Variants in TENM3 observed in about 807,000 individuals in gnomAD.
TENM3 encodes the protein teneurin transmembrane protein 3.
In TENM3, 63 loss-of-function variants were observed where a neutral mutation model predicts 255.1. The observed-to-expected ratio is 0.25, with a 90% CI of 0.20 to 0.30. The LOEUF (loss-of-function observed/expected upper bound fraction) is 0.30, where lower values mean the gene tolerates loss of function less well. Among genes scored for constraint, TENM3 ranks in the 10% least tolerant of loss-of-function variants. TENM3 has a pLI of 1.00. For synonymous variants in TENM3, 1,306 were observed against 1,322.3 expected, an observed-to-expected ratio of 0.99 and a Z score of 0.27; for missense variants, 2,929 against 3,461.1, an observed-to-expected ratio of 0.85 and a Z score of 3.86.
At chr4:181,895,170 C>T in the TENM3 span, among the ~76,000 whole-genome samples, 7 of 151,868 alleles carry the variant, frequency 4.6e-5, no homozygotes, top group Non-Finnish European at 1.0e-4. Flanking sequence ...TTAATAAATA[C>T]GTATTAACTG....
At chr4:181,495,902 TAAAAA>T in the TENM3 span, among the ~76,000 whole-genome samples, 9 of 116,880 alleles carry the variant, frequency 7.7e-5, no homozygotes, top group African/African-American at 1.6e-4. Context: ...AGAGACAAAT[TAAAAA>T]AAAAAAAAAA....
intron 3 of TENM3, among the ~76,000 whole-genome samples, chr4:182,382,604 T>C (rs1348354598): frequency 6.6e-6 from 1 of 152,182 alleles, no homozygotes; most frequent in East Asian, 1.9e-4. Context: ...AGCTAACTCC[T>C]GCTGCTGTCT....
chr4:182,681,899 T>G lies in TENM3; in HGVS notation c.1920T>G (p.Asn640Lys), dbSNP rs755928530. ...CHCSPGWGGSNCEILKTMCPD... is the reference protein window; with the variant it reads ...CHCSPGWGGSKCEILKTMCPD... ...GCAGTCCAGGATGGGGAGGTAGCAATTGTGAAATACTGAAGACCATGTGTC... is the reference window on the plus strand; with the variant it reads ...GCAGTCCAGGATGGGGAGGTAGCAAGTGTGAAATACTGAAGACCATGTGTC... Residue 640 changes from asparagine (N) to lysine (K), a missense_variant, in exon 11 of 28, where the codon AAT (asparagine) becomes AAG (lysine). This residue lies in a region of TENM3 where 1,608 missense variants were observed against 1,884.4 expected (regional missense o/e 0.85). Coordinates refer to ENST00000511685, the MANE Select transcript of TENM3 (RefSeq NM_001080477.4). The G allele has an allele frequency of 6.2e-7, 1 of 1,613,922 alleles. No homozygotes were observed. Among genetic ancestry groups the G allele is most frequent in the Non-Finnish European group, 8.5e-7 (1 of 1,179,862 alleles).
chr4:182,694,698 G>A (rs1757261109), intron 12 of TENM3, among the ~76,000 whole-genome samples: 1 of 152,188 alleles, frequency 6.6e-6, no homozygotes, highest in South Asian at 2.1e-4. Flanking sequence ...CACACATGCA[G>A]TACTCAGCAT....
chr4:182,693,702 C>T (rs1757178073), intron 12 of TENM3, among the ~76,000 whole-genome samples: 2 of 152,082 alleles, frequency 1.3e-5, no homozygotes, highest in African/African-American at 4.8e-5. Context: ...TGTTTAAGAG[C>T]TTTGGGAATT....
At chr4:182,038,153 G>C in the TENM3 span, among the ~76,000 whole-genome samples, 1 of 152,128 alleles carries the variant, frequency 6.6e-6, no homozygotes, top group Non-Finnish European at 1.5e-5. Flanking sequence ...TAACTGAGAG[G>C]TGAGTTGGCT....
the TENM3 span, among the ~76,000 whole-genome samples, chr4:181,765,212 A>G: frequency 6.6e-6 from 1 of 152,172 alleles, no homozygotes; most frequent in Non-Finnish European, 1.5e-5. Context: ...AATGCTTTGC[A>G]TGGATCTTTT....
At chr4:182,546,511 C>CT (rs1037103460) in intron 3 of TENM3, among the ~76,000 whole-genome samples, 46 of 152,102 alleles carry the variant, frequency 3.0e-4, no homozygotes, top group African/African-American at 1.1e-3. Flanking sequence ...TTATGGCTCA[C>CT]TGAAGCCTCA....
the TENM3 span, among the ~76,000 whole-genome samples, chr4:181,498,072 A>G: frequency 5.3e-5 from 8 of 152,174 alleles, no homozygotes; most frequent in African/African-American, 1.9e-4. Context: ...TTTATAGGTG[A>G]TATATAACTG....
chr4:182,650,905 TATATATATATATATATATAA>T (rs151286573), intron 5 of TENM3, among the ~76,000 whole-genome samples: 40,096 of 87,430 alleles, frequency 0.46, 6,596 homozygotes, highest in Admixed American at 0.57. Flanking sequence ...TATATATATA[TATATATATATATATATATAA>T]AACAAAGCTG....
At chr4:181,949,877 G>C in the TENM3 span, among the ~76,000 whole-genome samples, 1 of 151,976 alleles carries the variant, frequency 6.6e-6, no homozygotes, top group African/African-American at 2.4e-5. Context: ...CTTTCCACTT[G>C]TTGTTCCTCT....
the TENM3 span, among the ~76,000 whole-genome samples, chr4:182,083,760 A>G: frequency 2.0e-5 from 3 of 152,220 alleles, no homozygotes. Flanking sequence ...CAGGGTATTC[A>G]GTAACTGCAT....
intron 1 of TENM3, among the ~76,000 whole-genome samples, chr4:182,259,486 AT>A (rs1383963833): frequency 6.6e-6 from 1 of 151,780 alleles, no homozygotes; most frequent in African/African-American, 2.4e-5. Context: ...TAATTTTTAA[AT>A]TTTTTTGTAG....
chr4:182,406,178 G>C (rs1441786290), intron 3 of TENM3, among the ~76,000 whole-genome samples: 1 of 152,062 alleles, frequency 6.6e-6, no homozygotes, highest in Non-Finnish European at 1.5e-5. Context: ...GGTGGTGGGT[G>C]CCTGTAGTCC....
At chr4:181,506,261 C>T in the TENM3 span, among the ~76,000 whole-genome samples, 1 of 152,066 alleles carries the variant, frequency 6.6e-6, no homozygotes, top group Admixed American at 6.5e-5. Context: ...TGGGATATAA[C>T]ACTATTTTGA....
At position 182,344,654 on chromosome 4, in the gene TENM3, C is replaced by A. The variant is rs1317935981; in HGVS notation, c.233-1997C>A. 3.9e-5 allele frequency among the ~76,000 whole-genome samples: 6 copies of A among 152,238 alleles called. No individual in the cohort carries two copies. The East Asian group carries it at 1.2e-3, about 29-fold the overall frequency. ...GTTACTGGCCTTTTATTTCTCTTTTCATTTCTGAATGTGGGCACCTCTCAA... is the reference window on the plus strand; with the variant it reads ...GTTACTGGCCTTTTATTTCTCTTTTAATTTCTGAATGTGGGCACCTCTCAA... On this transcript the variant is annotated intron_variant, in intron 2 of 27. Coordinates refer to ENST00000511685, the MANE Select transcript of TENM3 (RefSeq NM_001080477.4).
At chr4:181,570,223 T>C in the TENM3 span, among the ~76,000 whole-genome samples, 12 of 151,996 alleles carry the variant, frequency 7.9e-5, no homozygotes, top group African/African-American at 2.4e-4. Flanking sequence ...TTTTTTGTAT[T>C]TTTAGTAGAG....
intron 26 of TENM3, among the ~76,000 whole-genome samples, chr4:182,795,815 AT>A (rs1369594447): frequency 6.6e-6 from 1 of 152,220 alleles, no homozygotes; most frequent in East Asian, 1.9e-4. Context: ...ATTAGGTGAA[AT>A]GCAATTTCAA....
the TENM3 span, among the ~76,000 whole-genome samples, chr4:181,537,657 G>A: frequency 6.6e-6 from 1 of 152,146 alleles, no homozygotes; most frequent in Non-Finnish European, 1.5e-5. Flanking sequence ...GATAAAGATG[G>A]CATTAACTTG....
Sources: allele counts gnomAD v4.1 joint callset (sites outside exome capture counted in the v4.1 genomes callset), GRCh38; gene constraint gnomAD v4.1.1; regional missense constraint gnomAD v4.1.1; transcripts MANE v1.5; gene names NCBI Gene and HGNC (gene_info 2026-07-23, HGNC 2026-07-21).